Variants in GPC5 observed in about 807,000 individuals in gnomAD.
GPC5 encodes the protein glypican-5.
GPC5 carries 47 observed loss-of-function variants against 53.9 expected under a neutral mutation model. The ratio of observed to expected loss-of-function variants is 0.87; its 90% CI spans 0.69 to 1.11. GPC5 has a LOEUF of 1.11. Ranked by LOEUF, GPC5 falls within the 50% of genes most tolerant of loss-of-function variation. The pLI is 0.00. For missense variants in GPC5, 748 were observed against 713.1 expected (o/e 1.05, Z -0.56); for synonymous variants, 286 against 263.3 (o/e 1.09, Z -0.84).
chr13:91,539,530 C>G lies in GPC5; in HGVS notation c.325+90608C>G, dbSNP rs184015273. 1.8e-3 allele frequency among the ~76,000 whole-genome samples: 269 copies of G among 152,248 alleles called. 5 individuals are homozygous for G. The highest frequency in any genetic ancestry group is 6.3e-3 in the African/African-American group (261 of 41,556). On this transcript the variant is annotated intron_variant, in intron 2 of 7. Coordinates refer to ENST00000377067, the MANE Select transcript of GPC5 (RefSeq NM_004466.6). ...CATTAACAACAAAAAGATCTTATTT[C>G]CCATCAATTAAAATCTCCTGTCTGC...
At chr13:91,921,784 A>C (rs987283124) in intron 6 of GPC5, among the ~76,000 whole-genome samples, 3 of 93,178 alleles carry the variant, frequency 3.2e-5, no homozygotes, top group Admixed American at 3.1e-4. Context: ...CCTTTAAAAA[A>C]AAAAAAGAAA....
At chr13:92,863,617 C>T (rs987757676) in intron 7 of GPC5, among the ~76,000 whole-genome samples, 1 of 152,100 alleles carries the variant, frequency 6.6e-6, no homozygotes, top group Non-Finnish European at 1.5e-5. Context: ...CCTCGGCTTC[C>T]CAAGTAGCTG....
At chr13:92,499,247 C>T (rs1453024965) in intron 7 of GPC5, among the ~76,000 whole-genome samples, 6 of 152,090 alleles carry the variant, frequency 3.9e-5, no homozygotes, top group African/African-American at 1.4e-4. Flanking sequence ...TGAGCTTATA[C>T]TGAGAAACCT....
At chr13:92,249,000 A>G (rs1266710026) in intron 7 of GPC5, among the ~76,000 whole-genome samples, 1 of 127,372 alleles carries the variant, frequency 7.9e-6, no homozygotes. Context: ...TATTGTTGAT[A>G]TTTCATATTT....
chr13:92,125,932 T>G (rs1414364455), intron 6 of GPC5, among the ~76,000 whole-genome samples: 2 of 4,522 alleles, frequency 4.4e-4, no homozygotes, highest in South Asian at 0.014. Flanking sequence ...TGGTTTTTTT[T>G]TTTTTTTTTT....
intron 7 of GPC5, among the ~76,000 whole-genome samples, chr13:92,692,510 TC>T (rs2139235956): frequency 8.0e-6 from 1 of 124,678 alleles, no homozygotes; most frequent in Admixed American, 1.0e-4. Context: ...AAGGGGAACA[TC>T]ACACTCTGGG....
chr13:92,435,899 G>A (rs936077997), intron 7 of GPC5, among the ~76,000 whole-genome samples: 5 of 152,064 alleles, frequency 3.3e-5, no homozygotes, highest in African/African-American at 7.2e-5. Context: ...AAACAACTTC[G>A]AATTCACATA....
intron 2 of GPC5, among the ~76,000 whole-genome samples, chr13:91,673,127 A>G (rs533290614): frequency 6.6e-6 from 1 of 152,088 alleles, no homozygotes; most frequent in South Asian, 2.1e-4. Context: ...GCCAATAGGT[A>G]CAGCAAACCA....
intron 2 of GPC5, among the ~76,000 whole-genome samples, chr13:91,647,753 C>A (rs1566579398): frequency 6.6e-6 from 1 of 152,220 alleles, no homozygotes; most frequent in East Asian, 1.9e-4. Flanking sequence ...GTAGCATGGT[C>A]TGAAAGCTCT....
chr13:92,190,027 T>A (rs2042212516), intron 7 of GPC5, among the ~76,000 whole-genome samples: 1 of 152,096 alleles, frequency 6.6e-6, no homozygotes. Context: ...CCAGAACAAC[T>A]GCTTAAAAAA....
intron 1 of GPC5, among the ~76,000 whole-genome samples, chr13:91,442,905 T>C (rs2093400088): frequency 6.6e-6 from 1 of 152,218 alleles, no homozygotes; most frequent in South Asian, 2.1e-4. Flanking sequence ...TCCCATCTGC[T>C]GTTTGATTAT....
intron 1 of GPC5, among the ~76,000 whole-genome samples, chr13:91,439,859 T>G (rs1239655638): frequency 6.6e-6 from 1 of 152,132 alleles, no homozygotes; most frequent in African/African-American, 2.4e-5. Context: ...ACCATTAGAG[T>G]GAAATTTTAA....
chr13:92,297,915 C>A (rs1232371900), intron 7 of GPC5, among the ~76,000 whole-genome samples: 2 of 152,022 alleles, frequency 1.3e-5, no homozygotes, highest in South Asian at 2.1e-4. Flanking sequence ...CTGAGCCCAG[C>A]GAGAACACGA....
rs566011146 is a variant in GPC5, at chr13:91,436,958, T to G, written c.164-11803T>G. ...ATTATGTAATGGCCTTCTTTGTCTC[T>G]TTTGATGTTTGTTGGTTTAAAGTCT... is the stretch of plus-strand genomic sequence containing the variant. On this transcript the variant is annotated intron_variant, in intron 1 of 7. Coordinates refer to ENST00000377067, the MANE Select transcript of GPC5 (RefSeq NM_004466.6). Among the ~76,000 whole-genome samples the G allele has an allele frequency of 1.5e-3, 232 of 152,320 alleles. 4 individuals are homozygous for G. In the South Asian group the frequency reaches 0.029, roughly 19 times the overall value.
At chr13:92,441,332 G>C (rs955144704) in intron 7 of GPC5, among the ~76,000 whole-genome samples, 3 of 152,204 alleles carry the variant, frequency 2.0e-5, no homozygotes, top group African/African-American at 7.2e-5. Context: ...GCCTCCCAAA[G>C]TGCTGGGACT....
At chr13:91,471,910 G>T (rs1198138675) in intron 2 of GPC5, among the ~76,000 whole-genome samples, 1 of 152,064 alleles carries the variant, frequency 6.6e-6, no homozygotes, top group Non-Finnish European at 1.5e-5. Flanking sequence ...TAACAGATTA[G>T]GATTTTAGAT....
intron 5 of GPC5, among the ~76,000 whole-genome samples, chr13:91,875,147 C>T (rs1378168298): frequency 6.6e-6 from 1 of 152,150 alleles, no homozygotes; most frequent in East Asian, 1.9e-4. Flanking sequence ...GTTTGGTCTC[C>T]TGAGTAATGG....
intron 2 of GPC5, among the ~76,000 whole-genome samples, chr13:91,687,260 AT>A (rs2035643555): frequency 6.6e-6 from 1 of 151,822 alleles, no homozygotes; most frequent in Admixed American, 6.6e-5. Flanking sequence ...TGATTTTGAC[AT>A]TTTTCACATT....
At chr13:91,705,203 C>T (rs2036073238) in intron 3 of GPC5, among the ~76,000 whole-genome samples, 1 of 152,218 alleles carries the variant, frequency 6.6e-6, no homozygotes, top group Admixed American at 6.5e-5. Context: ...GTTCCACTCA[C>T]ATTTTTCCCC....
Sources: gnomAD v4.1 joint callset for allele counts (sites outside exome capture counted in the v4.1 genomes callset) on GRCh38, gnomAD v4.1.1 for gene constraint, MANE v1.5 for transcripts, NCBI Gene and HGNC (gene_info 2026-07-23, HGNC 2026-07-21) for gene names.